The following STAU1 variants were observed in gnomAD, a reference collection of about 807,000 sequenced individuals.
STAU1 encodes staufen double-stranded RNA binding protein 1, also known as double-stranded RNA-binding protein Staufen homolog 1.
A neutral mutation model predicts 62.9 loss-of-function variants in STAU1; 13 were observed. The ratio of observed to expected loss-of-function variants is 0.21; its 90% CI spans 0.13 to 0.33. The LOEUF (loss-of-function observed/expected upper bound fraction) is 0.33, where lower values mean the gene tolerates loss of function less well. STAU1 is among the 10% of genes least tolerant of loss of function. STAU1 has a pLI of 1.00. For synonymous variants in STAU1, 269 were observed against 265.1 expected (o/e 1.01, Z -0.14); for missense variants, 571 against 712.1 (o/e 0.80, Z 2.25).
At chr20:49,201,044 CAAAAAAAAAAAAAA>C in the STAU1 span, among the ~76,000 whole-genome samples, 2 of 31,500 alleles carry the variant, frequency 6.3e-5, no homozygotes, top group Non-Finnish European at 1.1e-4. Context: ...GACCCACTCT[CAAAAAAAAAAAAAA>C]AAAAAAAAAA....
At chr20:49,151,366 A>T (rs988789214) in intron 5 of STAU1, among the ~76,000 whole-genome samples, 2 of 152,256 alleles carry the variant, frequency 1.3e-5, no homozygotes, top group African/African-American at 4.8e-5. Context: ...CTACAGACTG[A>T]AAAAGAAGGC....
the STAU1 span, among the ~76,000 whole-genome samples, chr20:49,205,425 G>A: frequency 6.7e-6 from 1 of 150,226 alleles, no homozygotes; most frequent in Non-Finnish European, 1.5e-5. Flanking sequence ...GAGTGCAGCG[G>A]CACGATCTCG....
At chr20:49,208,871 C>T in the STAU1 span, among the ~76,000 whole-genome samples, 1 of 151,758 alleles carries the variant, frequency 6.6e-6, no homozygotes, top group Non-Finnish European at 1.5e-5. Context: ...ATCCGCCTGC[C>T]TCGGCCTCCC....
chr20:49,145,668 T>TGCA (rs1312023233), intron 5 of STAU1, among the ~76,000 whole-genome samples: 1 of 151,318 alleles, frequency 6.6e-6, no homozygotes, highest in Admixed American at 6.6e-5. Context: ...AGTCGGAGGT[T>TGCA]GCAGTGAGCC....
At chr20:49,217,604 A>G in the STAU1 span, among the ~76,000 whole-genome samples, 2 of 151,276 alleles carry the variant, frequency 1.3e-5, no homozygotes, top group Non-Finnish European at 2.9e-5. Context: ...ACCACACAGT[A>G]AGGAGCAGAA....
At chr20:49,201,571 A>G in the STAU1 span, among the ~76,000 whole-genome samples, 1 of 151,870 alleles carries the variant, frequency 6.6e-6, no homozygotes, top group South Asian at 2.1e-4. Context: ...GCAAAACACC[A>G]TCTCTACTAA....
At chr20:49,201,327 A>AG in the STAU1 span, among the ~76,000 whole-genome samples, 7 of 152,114 alleles carry the variant, frequency 4.6e-5, no homozygotes, top group African/African-American at 1.7e-4. Flanking sequence ...TGAGGAAGGG[A>AG]GAAAAAAAAG....
chr20:49,123,006 G>A, intron 8 of STAU1, 86 bp downstream of exon 8: 11 of 1,418,834 alleles, frequency 7.8e-6, no homozygotes, highest in Middle Eastern at 2.7e-4. Context: ...GCCTCCTCAG[G>A]AAGGTGTCCA....
chr20:49,193,896 G>A, the STAU1 span, among the ~76,000 whole-genome samples: 2 of 152,084 alleles, frequency 1.3e-5, no homozygotes, highest in Non-Finnish European at 2.9e-5. Flanking sequence ...GTGAACCCGG[G>A]AGGCGGAGCT....
At chr20:49,204,622 A>ATATATATATGTG in the STAU1 span, among the ~76,000 whole-genome samples, 32 of 40,628 alleles carry the variant, frequency 7.9e-4, no homozygotes, top group Admixed American at 5.0e-4. Flanking sequence ...ATATATATAT[A>ATATATATATGTG]TGTGTATATA....
chr20:49,189,486 G>C (rs577248505), upstream of STAU1, among the ~76,000 whole-genome samples: 3 of 150,446 alleles, frequency 2.0e-5, no homozygotes, highest in African/African-American at 7.3e-5. Flanking sequence ...CGGATGCAGT[G>C]GTGGGCGCCT....
At chr20:49,162,322 T>C (rs2093461084) in intron 3 of STAU1, among the ~76,000 whole-genome samples, 1 of 152,290 alleles carries the variant, frequency 6.6e-6, no homozygotes, top group Admixed American at 6.5e-5. Context: ...GTCTGTGCCT[T>C]TTCCTTTTAA....
At chr20:49,183,021 G>C (rs1275653976) in intron 1 of STAU1, among the ~76,000 whole-genome samples, 2 of 152,148 alleles carry the variant, frequency 1.3e-5, no homozygotes, top group Non-Finnish European at 2.9e-5. Flanking sequence ...TCCTCTCATA[G>C]TTCAACTGAT....
At chr20:49,139,624 G>C (rs1431037023) in intron 5 of STAU1, among the ~76,000 whole-genome samples, 1 of 151,950 alleles carries the variant, frequency 6.6e-6, no homozygotes, top group East Asian at 1.9e-4. Context: ...TACTTGGGAG[G>C]CTGAGGCAGG....
intron 5 of STAU1, among the ~76,000 whole-genome samples, chr20:49,138,554 G>A (rs549488163): frequency 6.6e-6 from 1 of 152,168 alleles, no homozygotes; most frequent in South Asian, 2.1e-4. Context: ...CAGTCTGAAG[G>A]ACAGTGGTAC....
chr20:49,181,408 T>A (rs1225612026), intron 1 of STAU1, among the ~76,000 whole-genome samples: 1 of 152,010 alleles, frequency 6.6e-6, no homozygotes, highest in Non-Finnish European at 1.5e-5. Context: ...TTAAATAGGA[T>A]CAGAGAATAT....
Position 49,123,054 on chromosome 20 carries a change from G to C in STAU1, c.966+38C>G, listed in dbSNP as rs1459808856. The C allele has an allele frequency of 1.9e-6, 3 of 1,538,830 alleles. No individual in the cohort carries two copies. The South Asian group carries it at 3.8e-5, about 20-fold the overall frequency. On this transcript the variant is annotated intron_variant, in intron 8 of 13. Coordinates refer to ENST00000371856, the MANE Select transcript of STAU1 (RefSeq NM_017453.4). The stretch of plus-strand genomic sequence containing the variant: ...CCATCAGCCCCCAAGGCTGGACGTG[G>C]TCAGAGGAAGGGGCGCCCATCATCC...
chr20:49,174,596 C>T (rs1360148170), intron 1 of STAU1, among the ~76,000 whole-genome samples: 1 of 151,890 alleles, frequency 6.6e-6, no homozygotes, highest in Non-Finnish European at 1.5e-5. Flanking sequence ...TGGCTCATGC[C>T]TGTAATCCCA....
the STAU1 span, among the ~76,000 whole-genome samples, chr20:49,217,092 G>A: frequency 6.6e-6 from 1 of 152,126 alleles, no homozygotes; most frequent in African/African-American, 2.4e-5. Context: ...CAGCGTTGCT[G>A]GTGCTCTGGC....
Sources: allele counts gnomAD v4.1 joint callset (sites outside exome capture counted in the v4.1 genomes callset), GRCh38; gene constraint gnomAD v4.1.1; transcripts MANE v1.5; gene names NCBI Gene and HGNC (gene_info 2026-07-23, HGNC 2026-07-21).